Variants in DDX50 observed in about 807,000 individuals in gnomAD.
The protein encoded by DDX50 is DExD-box helicase 50.
DDX50 carries 56 observed loss-of-function variants against 94.8 expected under a neutral mutation model. That is an observed-to-expected ratio of 0.59 (90% confidence interval 0.48 to 0.74). The LOEUF is 0.74. DDX50 is among the 30% of genes least tolerant of loss of function. The pLI is 0.00. For missense variants in DDX50, 713 were observed against 881.2 expected, an observed-to-expected ratio of 0.81 and a Z score of 2.42; for synonymous variants, 264 against 295.4, an observed-to-expected ratio of 0.89 and a Z score of 1.09.
chr10:68,901,867 G>T (rs998689478), intron 1 of DDX50, among the ~76,000 whole-genome samples: 1 of 152,150 alleles, frequency 6.6e-6, no homozygotes, highest in African/African-American at 2.4e-5. Context: ...TGTTGCTTCT[G>T]TCACCCCGTC....
chr10:68,930,115 T>G (rs1226600032), intron 8 of DDX50, among the ~76,000 whole-genome samples: 1 of 71,064 alleles, frequency 1.4e-5, no homozygotes, highest in African/African-American at 8.2e-5. Context: ...TTTCCTTTCC[T>G]TTTTTTTTTT....
rs1295387253 is a variant in DDX50, at chr10:68,937,181, T to TG, written c.1755+87dup. 24 of 1,364,850 alleles carry TG rather than the reference T, an allele frequency of 1.8e-5. No homozygotes were observed. The Admixed American group carries it at 6.0e-4, about 34-fold the overall frequency. The allele number at this position is 1,364,850 out of a possible 1,614,324, so 84.5% of individuals were successfully genotyped here. On this transcript the variant is annotated intron_variant, in intron 12 of 14. Coordinates refer to ENST00000373585, the MANE Select transcript of DDX50 (RefSeq NM_024045.2). ...TATTGTAGTGAATTATTGTGCTTTT[T>TG]GTGCAGAAAAAAACTGTTTTGCTCT... is the stretch of plus-strand genomic sequence containing the variant.
intron 1 of DDX50, among the ~76,000 whole-genome samples, chr10:68,904,429 G>C (rs946076081): frequency 4.6e-5 from 7 of 152,186 alleles, no homozygotes; most frequent in African/African-American, 1.7e-4. Context: ...AGGTGAGGAA[G>C]GGAGTCTGGA....
chr10:68,946,583 A>C lies in DDX50; in HGVS notation c.2167A>C (p.Asn723His). The change falls in exon 15 of 15, where the codon AAT (asparagine) becomes CAT (histidine). Residue 723 changes from asparagine to histidine, a missense_variant. Asn to His is a moderately conservative substitution (Grantham distance 68). Coordinates refer to ENST00000373585, the MANE Select transcript of DDX50 (RefSeq NM_024045.2). The part of the protein sequence containing the change: ...SRQDGRRRSG[N>H]RNRSRSGGHK... ...ACAAGATGGTAGAAGACGAAGTGGG[A>C]ATAGAAATCGATCAAGAAGTGGGGG... 1 of 1,614,186 alleles carries C rather than the reference A, an allele frequency of 6.2e-7. No individual in the cohort carries two copies. The highest frequency in any genetic ancestry group is 8.5e-7 in the Non-Finnish European group (1 of 1,180,036).
intron 4 of DDX50, among the ~76,000 whole-genome samples, chr10:68,912,462 C>G (rs750506756): frequency 1.5e-4 from 23 of 152,184 alleles, no homozygotes; most frequent in Admixed American, 5.2e-4. Context: ...GATCCTTCCA[C>G]CTTGGCCTCC....
At chr10:68,930,108 C>A (rs945201257) in intron 8 of DDX50, among the ~76,000 whole-genome samples, 2 of 141,316 alleles carry the variant, frequency 1.4e-5, no homozygotes, top group African/African-American at 5.5e-5. Flanking sequence ...TCCTTTCTTT[C>A]CTTTCCTTTT....
intron 8 of DDX50, among the ~76,000 whole-genome samples, chr10:68,925,374 T>C (rs1589261364): frequency 6.6e-6 from 1 of 152,000 alleles, no homozygotes; most frequent in Non-Finnish European, 1.5e-5. Context: ...CCTCCCAAAG[T>C]GCTGGGATTA....
rs191279640 is a variant in DDX50, at chr10:68,941,166, C to T, written c.1862C>T (p.Thr621Ile). The part of the protein sequence containing the change: ...KLSSNAVSQI[T>I]RMCLLKGNMG... The stretch of plus-strand genomic sequence containing the variant: ...AGTAGTAATGCAGTGTCTCAGATTA[C>T]CAGAATGTGCCTCCTGAAAGGAAAT... The change falls in exon 13 of 15, where the codon ACC becomes ATC. Residue 621 changes from threonine (T) to isoleucine (I), a missense_variant. By Grantham distance (89) the Thr-to-Ile change is moderately conservative. This residue lies in a region of DDX50 where 428 missense variants were observed against 602.3 expected (regional missense o/e 0.71). Transcript: ENST00000373585. 2.5e-6 allele frequency: 4 copies of T among 1,612,568 alleles called. No individual in the cohort carries two copies. The highest frequency in any genetic ancestry group is 1.1e-5 in the South Asian group (1 of 90,648).
At chr10:68,928,123 A>G (rs1476628281) in intron 8 of DDX50, among the ~76,000 whole-genome samples, 2 of 152,188 alleles carry the variant, frequency 1.3e-5, no homozygotes, top group Non-Finnish European at 2.9e-5. Flanking sequence ...CAAAAGCAGC[A>G]TGGAAACATA....
At chr10:68,930,033 T>A (rs1312179719) in intron 8 of DDX50, among the ~76,000 whole-genome samples, 1 of 150,720 alleles carries the variant, frequency 6.6e-6, no homozygotes, top group East Asian at 1.9e-4. Flanking sequence ...GTGCCCAGCC[T>A]GGTCCCTTTC....
intron 1 of DDX50, among the ~76,000 whole-genome samples, chr10:68,904,017 G>A (rs187816620): frequency 8.6e-5 from 13 of 151,142 alleles, no homozygotes; most frequent in African/African-American, 3.2e-4. Flanking sequence ...GGTGGCAGAC[G>A]CCTGTAATCC....
At chr10:68,912,459 C>T (rs1841654763) in intron 4 of DDX50, among the ~76,000 whole-genome samples, 1 of 152,174 alleles carries the variant, frequency 6.6e-6, no homozygotes, top group Admixed American at 6.5e-5. Context: ...AGTGATCCTT[C>T]CACCTTGGCC....
intron 8 of DDX50, among the ~76,000 whole-genome samples, chr10:68,927,576 ATACT>A (rs1234262319): frequency 1.3e-5 from 2 of 152,224 alleles, no homozygotes; most frequent in East Asian, 1.9e-4. Context: ...ATATGCACAC[ATACT>A]TACGTACATA....
chr10:68,915,580 G>C (rs1841763003), intron 7 of DDX50, among the ~76,000 whole-genome samples: 1 of 151,852 alleles, frequency 6.6e-6, no homozygotes, highest in African/African-American at 2.4e-5. Flanking sequence ...GCTGGGTGTG[G>C]TGACCCGCAC....
At chr10:68,911,313 G>C in intron 4 of DDX50, 67 bp downstream of exon 4, 8 of 1,448,958 alleles carry the variant, frequency 5.5e-6, no homozygotes, top group Non-Finnish European at 6.4e-6. Context: ...AGTTACACGA[G>C]TCCTAAGTTC....
At position 68,934,779 on chromosome 10, in the gene DDX50, T is replaced by C. The variant is rs766788482; in HGVS notation, c.1402-20T>C. 1.2e-5 allele frequency: 19 copies of C among 1,572,484 alleles called. No homozygotes were observed. In the East Asian group the frequency reaches 2.5e-4, roughly 21 times the overall value. ...CAACTTGCTAGATTTTTAAAAAATATTACCTTTTATAATCTTTAGGATGTT... is the reference window on the plus strand; with the variant it reads ...CAACTTGCTAGATTTTTAAAAAATACTACCTTTTATAATCTTTAGGATGTT... On this transcript the variant is annotated intron_variant, in intron 9 of 14. Transcript: ENST00000373585. The surrounding 1 kb of genome is among the most constrained non-coding windows in gnomAD (Gnocchi z 4.0).
chr10:68,946,815 A>C lies in DDX50; in HGVS notation c.*185A>C. The C allele has an allele frequency of 1.4e-6, 1 of 716,464 alleles. No homozygotes were observed. Among genetic ancestry groups the C allele is most frequent in the Non-Finnish European group, 2.2e-6 (1 of 458,614 alleles). 44.4% of individuals were successfully genotyped at this position (716,464 alleles called of 1,614,324 possible). ...ATCTACTTATCCAGTTATACCTTTGAATAAAAAAACCTCCTTTTATTGTCT... is the reference window on the plus strand; with the variant it reads ...ATCTACTTATCCAGTTATACCTTTGCATAAAAAAACCTCCTTTTATTGTCT... On this transcript the variant is annotated 3_prime_UTR_variant, in exon 15 of 15. Coordinates refer to ENST00000373585, the MANE Select transcript of DDX50 (RefSeq NM_024045.2).
intron 14 of DDX50, among the ~76,000 whole-genome samples, chr10:68,944,834 T>G (rs1842631774): frequency 6.6e-6 from 1 of 152,292 alleles, no homozygotes; most frequent in African/African-American, 2.4e-5. Flanking sequence ...CTTGAGCCAC[T>G]GTGCCTGGCC....
At position 68,919,964 on chromosome 10, in the gene DDX50, A is replaced by T. The variant is rs201273527; in HGVS notation, c.1222A>T (p.Asn408Tyr). Residue 408 changes from asparagine (N) to tyrosine (Y), a missense_variant, in exon 8 of 15, where the codon AAT becomes TAT. Asn to Tyr is a moderately radical substitution (Grantham distance 143). Around this residue, in one of 2 missense-constraint regions of DDX50, gnomAD observed 428 missense variants for 602.3 expected, o/e 0.71. Coordinates refer to ENST00000373585, the MANE Select transcript of DDX50 (RefSeq NM_024045.2). Reference sequence around the variant, plus strand: ...GAAGAATGTAACTGAAATGGCCATGAATCCACACATAAAACAGGTAAGTCT... The same window carrying T: ...GAAGAATGTAACTGAAATGGCCATGTATCCACACATAAAACAGGTAAGTCT... ...TKKNVTEMAM[N>Y]PHIKQNAQCL... is the part of the protein sequence containing the mutation. The T allele has an allele frequency of 3.1e-6, 5 of 1,614,204 alleles. No homozygotes were observed. The Admixed American group carries it at 8.3e-5, about 27-fold the overall frequency.
Sources: allele counts gnomAD v4.1 joint callset (sites outside exome capture counted in the v4.1 genomes callset), GRCh38; gene constraint gnomAD v4.1.1; regional missense constraint gnomAD v4.1.1; non-coding constraint Gnocchi (gnomAD v3.1); transcripts MANE v1.5; gene names NCBI Gene and HGNC (gene_info 2026-07-23, HGNC 2026-07-21).